HUWE1: variants seen among roughly 807,000 people sequenced by gnomAD.
The protein encoded by HUWE1 is E3 ubiquitin-protein ligase HUWE1.
A neutral mutation model predicts 299.4 loss-of-function variants in HUWE1; 18 were observed. The observed-to-expected ratio is 0.06, with a 90% CI of 0.04 to 0.09. The LOEUF is 0.09. Among genes scored for constraint, HUWE1 ranks in the 10% least tolerant of loss-of-function variants. HUWE1 has a pLI of 1.00. For synonymous variants in HUWE1, 1,317 were observed against 1,286.1 expected, an observed-to-expected ratio of 1.02 and a Z score of -0.51; for missense variants, 1,832 against 3,462.3, an observed-to-expected ratio of 0.53 and a Z score of 11.82.
intron 44 of HUWE1, 134 bp from the exon 45 acceptor site, chrX:53,575,922 T>G: frequency 4.6e-6 from 3 of 657,536 alleles, no homozygotes; most frequent in South Asian, 2.8e-5. Flanking sequence ...CTATTACAGA[T>G]AATGTTAGAG....
At chrX:53,624,394 G>A (rs1471588100) in intron 19 of HUWE1, among the ~76,000 whole-genome samples, 1 of 112,280 alleles carries the variant, frequency 8.9e-6, no homozygotes, top group East Asian at 2.8e-4. Context: ...CTACTCGGGA[G>A]GCTGAGGCAG....
rs1326564724 is a variant in HUWE1, at chrX:53,545,148, G to A, written c.10929C>T (p.Ala3643=). 24 of 1,207,896 alleles carry A rather than the reference G, an allele frequency of 2.0e-5. No individual in the cohort carries two copies. The highest frequency in any genetic ancestry group is 3.5e-5 in the South Asian group (2 of 56,415). Reference sequence around the variant, plus strand: ...GCTCGAGGTTGTATTCCCGCAGCTCGGCCAGCAGGGTACCTGAGCAGGCAG... The same window carrying A: ...GCTCGAGGTTGTATTCCCGCAGCTCAGCCAGCAGGGTACCTGAGCAGGCAG... ...TLCKQIGTLL[A]ELREYNLEQQ... Residue 3643 remains alanine, a synonymous_variant, in exon 71 of 84, where the codon GCC becomes GCT. Coordinates refer to ENST00000262854, the MANE Select transcript of HUWE1 (RefSeq NM_031407.7).
chrX:53,631,142 A>G, intron 11 of HUWE1, 108 bp from the exon 12 acceptor site: 2 of 556,068 alleles, frequency 3.6e-6, no homozygotes, highest in South Asian at 5.2e-5. Context: ...CTCCTTTGAT[A>G]TCCGAAGTGT....
intron 67 of HUWE1, among the ~76,000 whole-genome samples, chrX:53,548,675 A>G (rs1299844437): frequency 1.8e-5 from 2 of 112,730 alleles, no homozygotes; most frequent in Non-Finnish European, 3.7e-5. Context: ...CTTTCTAATC[A>G]TAAGACAAAA....
chrX:53,661,755 AATCACC>A (rs2069015022), intron 3 of HUWE1, among the ~76,000 whole-genome samples: 1 of 112,008 alleles, frequency 8.9e-6, no homozygotes, highest in South Asian at 3.6e-4. Flanking sequence ...AATTACTATG[AATCACC>A]ATCCATATCT....
chrX:53,536,721 C>T, intron 78 of HUWE1, 54 bp from the exon 79 acceptor site: 1 of 1,055,235 alleles, frequency 9.5e-7, no homozygotes, highest in Non-Finnish European at 1.3e-6. Flanking sequence ...CAGGATACAT[C>T]CAGTCATTTG....
At chrX:53,540,182 T>C (rs1556917336) in intron 74 of HUWE1, among the ~76,000 whole-genome samples, 2 of 111,983 alleles carry the variant, frequency 1.8e-5, no homozygotes, top group African/African-American at 6.5e-5. Context: ...ATGGTTGCCT[T>C]CCAGTTTACA....
intron 74 of HUWE1, among the ~76,000 whole-genome samples, chrX:53,542,169 G>A (rs1445478022): frequency 8.9e-6 from 1 of 111,738 alleles, no homozygotes; most frequent in Non-Finnish European, 1.9e-5. Context: ...GCGACAGAGG[G>A]AGACTGTCTC....
rs2063149392 is a variant in HUWE1 at position 53,577,218 on chromosome X, C to A, written c.5717-151G>T. On this transcript the variant is annotated intron_variant, in intron 43 of 83. Transcript: ENST00000262854. ...AATGTTCAAGTACTCTACTATAAAACCTGGTTTATACTTTCCTTAAATTCC... is the reference window on the plus strand; with the variant it reads ...AATGTTCAAGTACTCTACTATAAAAACTGGTTTATACTTTCCTTAAATTCC... 6.1e-6 allele frequency: 3 copies of A among 492,043 alleles called. No individual in the cohort carries two copies. The Admixed American group carries it at 8.7e-5, about 14-fold the overall frequency. 40.5% of individuals were successfully genotyped at this position (492,043 alleles called of 1,213,427 possible).
chrX:53,670,326 T>C (rs1241186513), intron 3 of HUWE1, among the ~76,000 whole-genome samples: 1 of 111,610 alleles, frequency 9.0e-6, no homozygotes, highest in Non-Finnish European at 1.9e-5. Flanking sequence ...AGTTCAGTTT[T>C]AAGGAGAGAT....
chrX:53,562,690 T>C, intron 53 of HUWE1, 141 bp downstream of exon 53: 3 of 517,111 alleles, frequency 5.8e-6, no homozygotes, highest in Non-Finnish European at 1.0e-5. Flanking sequence ...GAGGATAAAG[T>C]GGATGGTGTA....
chrX:53,616,396 C>T (rs782337479), intron 21 of HUWE1, among the ~76,000 whole-genome samples: 1 of 111,620 alleles, frequency 9.0e-6, no homozygotes. Flanking sequence ...CTGTCAAGAT[C>T]TAAACTAGTA....
In HUWE1 at chrX:53,547,624, G is replaced by C. The variant is rs373835800; in HGVS notation, c.10636+49C>G. 7 of 1,196,792 alleles carry C rather than the reference G, an allele frequency of 5.8e-6. No homozygotes were observed. In the South Asian group the frequency reaches 1.1e-4, roughly 19 times the overall value. On this transcript the variant is annotated intron_variant, in intron 68 of 83. Coordinates refer to ENST00000262854, the MANE Select transcript of HUWE1 (RefSeq NM_031407.7). ...ATCTGGATGGAAAAGGGGGTGAAGT[G>C]GGTGCCACAGTATATACCCCACAGC...
chrX:53,650,484 A>G (rs1260066703), intron 4 of HUWE1, among the ~76,000 whole-genome samples: 2 of 112,395 alleles, frequency 1.8e-5, no homozygotes, highest in African/African-American at 6.5e-5. Context: ...AGTTAGCATA[A>G]TGGCATCAAT....
At chrX:53,632,296 A>G (rs969572938) in intron 9 of HUWE1, among the ~76,000 whole-genome samples, 191 bp downstream of exon 9, 12 of 111,897 alleles carry the variant, frequency 1.1e-4, no homozygotes, top group African/African-American at 3.6e-4. Flanking sequence ...AGCTCCCAAC[A>G]TAAGACCCAA....
At position 53,604,721 on chromosome X, in the gene HUWE1, C is replaced by G. The variant is rs1417538654; in HGVS notation, c.2610G>C (p.Leu870Phe). The change falls in exon 26 of 84, where the codon TTG (leucine) becomes TTC (phenylalanine). Residue 870 changes from leucine (L) to phenylalanine (F), a missense_variant. Coordinates refer to ENST00000262854, the MANE Select transcript of HUWE1 (RefSeq NM_031407.7). Reference protein sequence around the residue: ...RPIESPGGSVLLRELACAGNV... With the variant: ...RPIESPGGSVFLRELACAGNV... ...TGCCTGCGCAAGCCAGTTCTCGCAA[C>G]AACACTGAGCCCCCAGGGGATTCAA... 7 of 1,210,430 alleles carry G rather than the reference C, an allele frequency of 5.8e-6. No homozygotes were observed. The highest frequency in any genetic ancestry group is 6.7e-6 in the Non-Finnish European group (6 of 895,309).
chrX:53,599,605 T>G, intron 29 of HUWE1, among the ~76,000 whole-genome samples: 1 of 112,459 alleles, frequency 8.9e-6, no homozygotes, highest in Non-Finnish European at 1.9e-5. Flanking sequence ...ATAAAACACC[T>G]ATCAGACTAT....
chrX:53,671,206 A>G (rs889293910), intron 3 of HUWE1, among the ~76,000 whole-genome samples: 6 of 111,714 alleles, frequency 5.4e-5, no homozygotes. Flanking sequence ...TGGGTGCACC[A>G]AAATCTCACA....
intron 83 of HUWE1, 63 bp from the exon 84 acceptor site, chrX:53,533,474 C>A: frequency 1.3e-6 from 1 of 791,848 alleles, no homozygotes; most frequent in Non-Finnish European, 1.9e-6. Context: ...CTGTGTGTTC[C>A]CATGGTGCCC....
Sources: gnomAD v4.1 joint callset for allele counts (sites outside exome capture counted in the v4.1 genomes callset) on GRCh38, gnomAD v4.1.1 for gene constraint, MANE v1.5 for transcripts, NCBI Gene and HGNC (gene_info 2026-07-23, HGNC 2026-07-21) for gene names.